The following RIPOR3 variants were observed in gnomAD, a reference collection of about 807,000 sequenced individuals.
RIPOR3 encodes family with sequence similarity 65 member C.
Under a neutral mutation model 114.3 loss-of-function variants are expected in RIPOR3, and 95 were observed. The ratio of observed to expected loss-of-function variants is 0.83; its 90% CI spans 0.70 to 0.99. The LOEUF is 0.99. Ranked by LOEUF, RIPOR3 falls within the 50% of genes least tolerant of loss-of-function variation. RIPOR3 has a pLI of 0.00. For synonymous variants in RIPOR3, 575 were observed against 543.8 expected, an observed-to-expected ratio of 1.06 and a Z score of -0.80; for missense variants, 1,252 against 1,266.9, an observed-to-expected ratio of 0.99 and a Z score of 0.18.
intron 13 of RIPOR3, 51 bp from the exon 14 acceptor site, chr20:50,597,761 G>T (rs190766408): frequency 2.5e-6 from 4 of 1,592,324 alleles, no homozygotes; most frequent in Non-Finnish European, 3.4e-6. Context: ...CCACCCACCC[G>T]ACTGGGACAC....
intron 1 of RIPOR3, among the ~76,000 whole-genome samples, chr20:50,673,259 C>A (rs1246500233): frequency 1.3e-5 from 2 of 152,156 alleles, no homozygotes; most frequent in Non-Finnish European, 1.5e-5. Context: ...CCATGCAATA[C>A]CCACAGACCC....
At chr20:50,605,397 G>C (rs2083671676) in intron 11 of RIPOR3, among the ~76,000 whole-genome samples, 1 of 152,088 alleles carries the variant, frequency 6.6e-6, no homozygotes, top group African/African-American at 2.4e-5. Context: ...TTCACACACA[G>C]ATTTTCTCTG....
intron 1 of RIPOR3, among the ~76,000 whole-genome samples, chr20:50,678,886 T>G (rs1400203495): frequency 6.6e-6 from 1 of 151,080 alleles, no homozygotes; most frequent in Non-Finnish European, 1.5e-5. Context: ...GGAGGATCAC[T>G]TGAGTTCAGG....
At position 50,608,897 on chromosome 20, in the gene RIPOR3, A is replaced by T. The variant is rs968560581; in HGVS notation, c.684+15T>A. On this transcript the variant is annotated intron_variant, in intron 9 of 21. Transcript: ENST00000327979. ...GCGGGGAGCCCTGAGGATTGACCCC[A>T]GAGAGTGGCCGTACCTCATAGTGGT... The T allele has an allele frequency of 6.3e-7, 1 of 1,597,740 alleles. No homozygotes were observed. Among genetic ancestry groups the T allele is most frequent in the Non-Finnish European group, 8.5e-7 (1 of 1,172,582 alleles).
chr20:50,603,195 C>T (rs1264126561), intron 12 of RIPOR3, among the ~76,000 whole-genome samples: 3 of 152,236 alleles, frequency 2.0e-5, no homozygotes, highest in Non-Finnish European at 4.4e-5. Flanking sequence ...CCTGAGGGCA[C>T]AGTCTTTGCC....
At chr20:50,654,065 A>G (rs1447915500) in intron 1 of RIPOR3, 3 of 151,902 alleles carry the variant, frequency 2.0e-5, no homozygotes, top group Admixed American at 2.0e-4. Context: ...TTAGCATTTA[A>G]TACCATCTGA....
At chr20:50,627,514 G>GA (rs879396242) in intron 2 of RIPOR3, among the ~76,000 whole-genome samples, 1,215 of 116,156 alleles carry the variant, frequency 0.01, 26 homozygotes, top group African/African-American at 0.038. Context: ...TGTCTCAAAA[G>GA]AAAAAAAAAA....
At chr20:50,623,809 C>T (rs188973891) in intron 2 of RIPOR3, among the ~76,000 whole-genome samples, 2 of 152,244 alleles carry the variant, frequency 1.3e-5, no homozygotes, top group East Asian at 1.9e-4. Context: ...AATATCTCGA[C>T]TTTCACAACC....
At chr20:50,624,159 G>A (rs1176801640) in intron 2 of RIPOR3, among the ~76,000 whole-genome samples, 1 of 152,162 alleles carries the variant, frequency 6.6e-6, no homozygotes, top group Non-Finnish European at 1.5e-5. Flanking sequence ...TTAATGTTAA[G>A]TGATGCTTTC....
Position 50,608,522 on chromosome 20 carries a change from G to A in RIPOR3, c.823C>T (p.Arg275Trp), listed in dbSNP as rs375083884. 2.2e-5 allele frequency: 36 copies of A among 1,613,760 alleles called. No homozygotes were observed. Among genetic ancestry groups the A allele is most frequent in the Middle Eastern group, 1.7e-4 (1 of 6,058 alleles). Residue 275 changes from arginine (R) to tryptophan (W), a missense_variant, in exon 11 of 22, where the codon CGG becomes TGG. By Grantham distance (101) the Arg-to-Trp change is moderately radical. Transcript: ENST00000327979. ...ENLDIKVTELRGLGSLAVGAV... is the reference protein window; with the variant it reads ...ENLDIKVTELWGLGSLAVGAV... Reference sequence around the variant, plus strand: ...CCCACAGCCAGCGAGCCCAGGCCCCGCAACTCCGTCACCTGGGGGTGGGGG... The same window carrying A: ...CCCACAGCCAGCGAGCCCAGGCCCCACAACTCCGTCACCTGGGGGTGGGGG...
intron 1 of RIPOR3, among the ~76,000 whole-genome samples, chr20:50,646,271 G>A (rs555192481): frequency 1.7e-3 from 255 of 152,256 alleles, no homozygotes; most frequent in African/African-American, 5.9e-3. Context: ...GGGACCATAG[G>A]TGTGTACCAC....
intron 1 of RIPOR3, among the ~76,000 whole-genome samples, chr20:50,656,231 T>G (rs569195072): frequency 7.0e-4 from 106 of 151,550 alleles, no homozygotes; most frequent in African/African-American, 2.5e-3. Context: ...TGTCCTTTCC[T>G]TTTCTACTCT....
In RIPOR3 at chr20:50,682,727, A is replaced by G. The variant is rs541596571; in HGVS notation, c.3+8399T>C. On this transcript the variant is annotated intron_variant, in intron 1 of 21. Coordinates refer to ENST00000327979, the MANE Select transcript of RIPOR3 (RefSeq NM_001290268.2). Reference sequence around the variant, plus strand: ...TTATTTTGGCATACATGTAAGTGATAAAACTTTTTTTTTTTTTGAGACGGA... The same window carrying G: ...TTATTTTGGCATACATGTAAGTGATGAAACTTTTTTTTTTTTTGAGACGGA... 6.9e-5 allele frequency among the ~76,000 whole-genome samples: 6 copies of G among 87,018 alleles called. No individual in the cohort carries two copies. The Admixed American group carries it at 9.9e-4, about 14-fold the overall frequency. The allele number at this position is 87,018 out of a possible 152,430, so 57.1% of individuals were successfully genotyped here. A position where few individuals can be genotyped will look rare whatever the true frequency, so the allele number is the denominator to read the frequency against.
In RIPOR3 at chr20:50,619,971, A is replaced by G. The variant is rs757455918; in HGVS notation, c.269+15T>C. The G allele has an allele frequency of 6.2e-7, 1 of 1,605,584 alleles. No individual in the cohort carries two copies. The highest frequency in any genetic ancestry group is 8.5e-7 in the Non-Finnish European group (1 of 1,173,014). On this transcript the variant is annotated intron_variant, in intron 3 of 21. Coordinates refer to ENST00000327979, the MANE Select transcript of RIPOR3 (RefSeq NM_001290268.2). Reference sequence around the variant, plus strand: ...GGAATGCACTTCTTAAAGGCAGCACACAGCCCAGCCTTACTTGAGGCCTCT... The same window carrying G: ...GGAATGCACTTCTTAAAGGCAGCACGCAGCCCAGCCTTACTTGAGGCCTCT...
At chr20:50,642,216 C>A (rs1317213400) in intron 1 of RIPOR3, among the ~76,000 whole-genome samples, 1 of 151,964 alleles carries the variant, frequency 6.6e-6, no homozygotes, top group African/African-American at 2.4e-5. Flanking sequence ...ATTTTCAGTG[C>A]CTATTCCTTT....
chr20:50,684,689 C>T (rs531912870), intron 1 of RIPOR3, among the ~76,000 whole-genome samples: 3 of 152,246 alleles, frequency 2.0e-5, no homozygotes, highest in South Asian at 2.1e-4. Flanking sequence ...ACACCATGGC[C>T]GCTGGGACCA....
rs2084792744 is a variant in RIPOR3, at chr20:50,630,756, G to A, written c.104C>T (p.Ala35Val). Residue 35 changes from alanine to valine, a missense_variant, in exon 2 of 22, where the codon GCA (alanine) becomes GTA (valine). Coordinates refer to ENST00000327979, the MANE Select transcript of RIPOR3 (RefSeq NM_001290268.2). Reference sequence around the variant, plus strand: ...AACTTACGCGATCCTCCGGCTCTGTGCACTGCTGAAGCCTGCGAAGGAGGC... The same window carrying A: ...AACTTACGCGATCCTCCGGCTCTGTACACTGCTGAAGCCTGCGAAGGAGGC... The part of the protein sequence containing the change: ...RSASFAGFSS[A>V]QSRRIAKSIN... 1.9e-6 allele frequency: 3 copies of A among 1,611,582 alleles called. No individual in the cohort carries two copies. Among genetic ancestry groups the A allele is most frequent in the Non-Finnish European group, 2.5e-6 (3 of 1,179,274 alleles).
At chr20:50,680,355 T>C (rs540686119) in intron 1 of RIPOR3, among the ~76,000 whole-genome samples, 61 of 152,324 alleles carry the variant, frequency 4.0e-4, no homozygotes, top group African/African-American at 1.4e-3. Flanking sequence ...GGTTTCACGG[T>C]TGGGGGTGGA....
intron 2 of RIPOR3, among the ~76,000 whole-genome samples, chr20:50,628,745 A>C (rs543537227): frequency 2.6e-5 from 4 of 152,306 alleles, no homozygotes; most frequent in African/African-American, 9.6e-5. Flanking sequence ...ACAGGGCCAG[A>C]GTAGGTGCTC....
Sources: allele counts gnomAD v4.1 joint callset (sites outside exome capture counted in the v4.1 genomes callset), GRCh38; gene constraint gnomAD v4.1.1; transcripts MANE v1.5; gene names NCBI Gene and HGNC (gene_info 2026-07-23, HGNC 2026-07-21).